The following PDE4D variants were observed in gnomAD, a reference collection of about 807,000 sequenced individuals.
PDE4D encodes 3',5'-cyclic-AMP phosphodiesterase 4D.
PDE4D carries 24 observed loss-of-function variants against 87.4 expected under a neutral mutation model. The observed-to-expected ratio is 0.27, with a 90% CI of 0.20 to 0.39. The LOEUF (loss-of-function observed/expected upper bound fraction) is 0.39. Among genes scored for constraint, PDE4D ranks in the 10% least tolerant of loss-of-function variants. The probability of loss-of-function intolerance (pLI) is 1.00; values close to 1 mark genes in which losing one functional copy is unlikely to be tolerated. For synonymous variants in PDE4D, 384 were observed against 383.2 expected (o/e 1.00, Z -0.02); for missense variants, 714 against 1,041.0 (o/e 0.69, Z 4.32).
At chr5:59,923,354 G>C (rs192422302) in intron 3 of PDE4D, among the ~76,000 whole-genome samples, 7 of 152,204 alleles carry the variant, frequency 4.6e-5, no homozygotes, top group African/African-American at 1.4e-4. Context: ...TTAGGACCTT[G>C]AGCAAACATA....
chr5:60,162,591 A>G (rs1033732831), intron 2 of PDE4D, among the ~76,000 whole-genome samples: 2 of 152,128 alleles, frequency 1.3e-5, no homozygotes, highest in Non-Finnish European at 2.9e-5. Context: ...CCTTCAGACC[A>G]TCTACATCAG....
chr5:59,784,422 A>G (rs889816511), intron 1 of PDE4D, among the ~76,000 whole-genome samples: 1 of 152,196 alleles, frequency 6.6e-6, no homozygotes, highest in African/African-American at 2.4e-5. Context: ...AGTAAAGAAT[A>G]AAATCTCTGG....
At chr5:59,019,903 CTATCTATCT>C (rs1299087212) in intron 6 of PDE4D, among the ~76,000 whole-genome samples, 1 of 132,630 alleles carries the variant, frequency 7.5e-6, no homozygotes, top group Non-Finnish European at 1.6e-5. Flanking sequence ...ATCTATCTAT[CTATCTATCT>C]ATGTGTTTGA....
chr5:60,389,538 T>C (rs1244962896), intron 1 of PDE4D, among the ~76,000 whole-genome samples: 3 of 152,160 alleles, frequency 2.0e-5, no homozygotes, highest in African/African-American at 7.2e-5. Flanking sequence ...TAGCTGAAAG[T>C]AACAACAGTG....
chr5:60,081,725 G>A (rs1773973721), intron 2 of PDE4D, among the ~76,000 whole-genome samples: 1 of 151,694 alleles, frequency 6.6e-6, no homozygotes, highest in South Asian at 2.1e-4. Flanking sequence ...TTAATCCTGA[G>A]TTTTCTCTGC....
chr5:59,459,459 A>G (rs2153645366), intron 1 of PDE4D, among the ~76,000 whole-genome samples: 1 of 152,270 alleles, frequency 6.6e-6, no homozygotes, highest in African/African-American at 2.4e-5. Flanking sequence ...CTTGAACCCT[A>G]ACTCTGGCAA....
In PDE4D at chr5:59,762,100, GTA is replaced by G. The variant is rs576537341; in HGVS notation, c.455+131066_455+131067del. Among the ~76,000 whole-genome samples, 6 of 151,378 alleles carry G rather than the reference GTA, an allele frequency of 4.0e-5. No homozygotes were observed. In the South Asian group the frequency reaches 1.2e-3, roughly 31 times the overall value. On this transcript the variant is annotated intron_variant, in intron 1 of 14. Coordinates refer to ENST00000340635, the MANE Select transcript of PDE4D (RefSeq NM_001104631.2). The stretch of plus-strand genomic sequence containing the variant: ...TTGAGCATTTTAAAAAATGATCCAG[GTA>G]TATATATATGTGTGTATATATATGT...
At chr5:60,357,644 A>G (rs1759732623) in intron 1 of PDE4D, among the ~76,000 whole-genome samples, 1 of 152,184 alleles carries the variant, frequency 6.6e-6, no homozygotes, top group Non-Finnish European at 1.5e-5. Flanking sequence ...GCTACCTCTC[A>G]GTAAAGTTGA....
At chr5:60,263,648 G>A (rs974060941) in intron 1 of PDE4D, among the ~76,000 whole-genome samples, 2 of 152,150 alleles carry the variant, frequency 1.3e-5, no homozygotes, top group African/African-American at 2.4e-5. Context: ...TTTAATGTAA[G>A]CTCAAACAAA....
intron 1 of PDE4D, among the ~76,000 whole-genome samples, chr5:60,212,603 A>T (rs536790871): frequency 1.3e-5 from 2 of 152,336 alleles, no homozygotes; most frequent in South Asian, 4.1e-4. Flanking sequence ...AGCCTGCCTA[A>T]CAATGACGCC....
At chr5:59,698,586 C>T (rs1413102030) in intron 1 of PDE4D, among the ~76,000 whole-genome samples, 1 of 152,030 alleles carries the variant, frequency 6.6e-6, no homozygotes, top group Non-Finnish European at 1.5e-5. Flanking sequence ...GAATGACAGC[C>T]CACACATAGT....
At chr5:59,872,458 T>G (rs1001593634) in intron 1 of PDE4D, among the ~76,000 whole-genome samples, 3 of 152,220 alleles carry the variant, frequency 2.0e-5, no homozygotes, top group Non-Finnish European at 2.9e-5. Flanking sequence ...TTTTTCCAAC[T>G]TTTTATTGTG....
chr5:59,462,304 A>T (rs1203909271), intron 1 of PDE4D, among the ~76,000 whole-genome samples: 3 of 152,034 alleles, frequency 2.0e-5, no homozygotes, highest in African/African-American at 4.8e-5. Context: ...GGATTCTACC[A>T]ATCCACCCTG....
intron 1 of PDE4D, among the ~76,000 whole-genome samples, chr5:59,415,658 C>T (rs568090257): frequency 6.6e-6 from 1 of 152,108 alleles, no homozygotes; most frequent in African/African-American, 2.4e-5. Context: ...TAATTGAGGA[C>T]AATTGGGCAT....
At chr5:59,994,110 AT>A (rs922689666) in intron 2 of PDE4D, among the ~76,000 whole-genome samples, 5 of 151,090 alleles carry the variant, frequency 3.3e-5, no homozygotes, top group Admixed American at 6.6e-5. Context: ...TCTTTGTTTA[AT>A]TTTTTTTCTT....
At chr5:59,394,754 C>T (rs563494942) in intron 1 of PDE4D, among the ~76,000 whole-genome samples, 13 of 152,258 alleles carry the variant, frequency 8.5e-5, no homozygotes, top group Middle Eastern at 3.4e-3. Flanking sequence ...GGAACAGCTC[C>T]GGTCTACAGC....
intron 1 of PDE4D, among the ~76,000 whole-genome samples, chr5:59,337,174 C>T (rs776534451): frequency 2.6e-5 from 4 of 152,198 alleles, no homozygotes; most frequent in Non-Finnish European, 5.9e-5. Flanking sequence ...GCAGCAGTCA[C>T]TCCACTGAAC....
intron 1 of PDE4D, among the ~76,000 whole-genome samples, chr5:60,479,997 T>C (rs992410586): frequency 6.6e-6 from 1 of 152,212 alleles, no homozygotes; most frequent in Admixed American, 6.5e-5. Context: ...GTATAGGCAG[T>C]AGACTGAAGT....
At chr5:59,961,509 C>G (rs186869186) in intron 3 of PDE4D, among the ~76,000 whole-genome samples, 3 of 152,080 alleles carry the variant, frequency 2.0e-5, no homozygotes, top group Admixed American at 2.0e-4. Context: ...CTCTGCAACT[C>G]AGAGAGAATA....
Sources: allele counts gnomAD v4.1 joint callset (sites outside exome capture counted in the v4.1 genomes callset), GRCh38; gene constraint gnomAD v4.1.1; transcripts MANE v1.5; gene names NCBI Gene and HGNC (gene_info 2026-07-23, HGNC 2026-07-21).